M1AP: variants seen among roughly 807,000 people sequenced by gnomAD.
M1AP encodes the protein meiosis 1 associated protein.
In M1AP, 39 loss-of-function variants were observed where a neutral mutation model predicts 51.2. The observed-to-expected ratio is 0.76, with a 90% CI of 0.59 to 1.00. The LOEUF is 1.00. Ranked by LOEUF, M1AP falls within the 50% of genes least tolerant of loss-of-function variation. The probability of loss-of-function intolerance (pLI) is 0.00; values close to 1 mark genes in which losing one functional copy is unlikely to be tolerated. For missense variants in M1AP, 545 were observed against 641.2 expected, an observed-to-expected ratio of 0.85 and a Z score of 1.62; for synonymous variants, 251 against 249.2, an observed-to-expected ratio of 1.01 and a Z score of -0.07.
intron 3 of M1AP, among the ~76,000 whole-genome samples, chr2:74,614,605 G>C (rs1681556132): frequency 6.6e-6 from 1 of 152,168 alleles, no homozygotes; most frequent in Non-Finnish European, 1.5e-5. Flanking sequence ...ATTCCTAAGA[G>C]TACCAAGGTA....
intron 5 of M1AP, 149 bp from the exon 6 acceptor site, chr2:74,576,767 G>T: frequency 8.3e-7 from 1 of 1,208,948 alleles, no homozygotes. Flanking sequence ...GGAGGCAGGA[G>T]AGTGGAAAGA....
intron 2 of M1AP, 45 bp from the exon 3 acceptor site, chr2:74,615,194 G>A (rs760545392): frequency 6.5e-7 from 1 of 1,541,550 alleles, no homozygotes; most frequent in South Asian, 1.1e-5. Context: ...TAGGGACCAG[G>A]TTTCAGATTA....
intron 7 of M1AP, among the ~76,000 whole-genome samples, chr2:74,565,825 T>TCTCACACA (rs1284975781): frequency 2.7e-4 from 37 of 138,096 alleles, no homozygotes; most frequent in African/African-American, 7.7e-4. Flanking sequence ...TGAGATGCCG[T>TCTCACACA]CACACACACA....
chr2:74,570,060 A>G, intron 7 of M1AP, among the ~76,000 whole-genome samples: 1 of 152,130 alleles, frequency 6.6e-6, no homozygotes, highest in East Asian at 1.9e-4. Context: ...AATCACTTTA[A>G]AATTTACTTT....
intron 5 of M1AP, among the ~76,000 whole-genome samples, chr2:74,579,237 G>A (rs1343571604): frequency 1.3e-5 from 2 of 152,268 alleles, no homozygotes; most frequent in Non-Finnish European, 2.9e-5. Flanking sequence ...CAAATGCCAT[G>A]TGATAGTGGA....
At chr2:74,601,742 A>G (rs1680691771) in intron 4 of M1AP, among the ~76,000 whole-genome samples, 1 of 152,184 alleles carries the variant, frequency 6.6e-6, no homozygotes. Context: ...AACTAATGTG[A>G]ATGTAATTTA....
chr2:74,560,008 C>G (rs1458209745), intron 9 of M1AP, 143 bp downstream of exon 9: 1 of 884,156 alleles, frequency 1.1e-6, no homozygotes, highest in Non-Finnish European at 1.7e-6. Context: ...TAATTTTCCC[C>G]TCCACCAGGG....
chr2:74,618,899 G>A (rs371490492), intron 2 of M1AP: 911 of 526,788 alleles, frequency 1.7e-3, no homozygotes, highest in South Asian at 4.6e-3. Context: ...GCTCTTGACT[G>A]AGTAGATTTT....
chr2:74,642,158 G>A (rs1683333522), intron 1 of M1AP, among the ~76,000 whole-genome samples: 1 of 151,988 alleles, frequency 6.6e-6, no homozygotes, highest in Non-Finnish European at 1.5e-5. Context: ...AGGTTAGCAC[G>A]ACCTTTGAAA....
intron 3 of M1AP, among the ~76,000 whole-genome samples, chr2:74,607,991 A>G (rs914456320): frequency 2.0e-5 from 3 of 152,194 alleles, no homozygotes; most frequent in African/African-American, 7.2e-5. Flanking sequence ...GAGATAGCCC[A>G]TATACCCCTT....
chr2:74,610,056 G>T (rs1320187248), intron 3 of M1AP, among the ~76,000 whole-genome samples: 2 of 151,816 alleles, frequency 1.3e-5, no homozygotes, highest in Non-Finnish European at 2.9e-5. Flanking sequence ...GGAGTGCAGT[G>T]GTTCAACCAT....
intron 4 of M1AP, among the ~76,000 whole-genome samples, chr2:74,606,651 C>G (rs1346707842): frequency 6.6e-6 from 1 of 151,836 alleles, no homozygotes; most frequent in Non-Finnish European, 1.5e-5. Context: ...CCAATCCCTT[C>G]AAAGTGATTA....
rs892453904 is a variant in M1AP at position 74,572,365 on chromosome 2, G to A, written c.1074+3073C>T. ...CCCCTAAGCAGTGTCTCCCTCTGTC[G>A]CCCAGAGTGCAGTGGTGCGATCATG... On this transcript the variant is annotated intron_variant, in intron 7 of 10. Coordinates refer to ENST00000421985, the MANE Select transcript of M1AP (RefSeq NM_001321739.2). 2.0e-5 allele frequency among the ~76,000 whole-genome samples: 3 copies of A among 151,774 alleles called. No homozygotes were observed. The East Asian group carries it at 5.8e-4, about 29-fold the overall frequency.
At position 74,576,436 on chromosome 2, in the gene M1AP, G is replaced by A. The variant is rs1679069604; in HGVS notation, c.932+20C>T. On this transcript the variant is annotated intron_variant, in intron 6 of 10. Transcript: ENST00000421985. ...AAGAATAGCATTTGCATGGATTGGG[G>A]AGGTTCCCTTGGACCATACTTGATC... 3 of 1,612,306 alleles carry A rather than the reference G, an allele frequency of 1.9e-6. No homozygotes were observed. The highest frequency in any genetic ancestry group is 2.5e-6 in the Non-Finnish European group (3 of 1,179,426).
rs1415822032 is a variant in M1AP at position 74,562,282 on chromosome 2, T to C, written c.1216A>G (p.Met406Val). The C allele has an allele frequency of 3.7e-6, 6 of 1,614,082 alleles. No homozygotes were observed. Among genetic ancestry groups the C allele is most frequent in the Non-Finnish European group, 5.1e-6 (6 of 1,180,022 alleles). ...AGCAGGGGGAAGGTGCTGGGCAGCA[T>C]CAGTTCCCGCGTGGCCACCGCCTTT... is the stretch of plus-strand genomic sequence containing the variant. The part of the protein sequence containing the change: ...LVKAVATREL[M>V]LPSTFPLLPE... Residue 406 changes from methionine (M) to valine (V), a missense_variant, in exon 8 of 11, where the codon ATG becomes GTG. By Grantham distance (21) the Met-to-Val change is conservative. Coordinates refer to ENST00000421985, the MANE Select transcript of M1AP (RefSeq NM_001321739.2).
At chr2:74,620,409 G>C (rs1014449391) in intron 2 of M1AP, among the ~76,000 whole-genome samples, 2 of 152,234 alleles carry the variant, frequency 1.3e-5, no homozygotes, top group Admixed American at 1.3e-4. Flanking sequence ...CATAGGTGGA[G>C]AGCATTAAAT....
At position 74,640,278 on chromosome 2, in the gene M1AP, C is replaced by A; in HGVS notation, c.-3G>T. 1 of 1,613,962 alleles carries A rather than the reference C, an allele frequency of 6.2e-7. No homozygotes were observed. Among genetic ancestry groups the A allele is most frequent in the Non-Finnish European group, 8.5e-7 (1 of 1,179,904 alleles). Reference sequence around the variant, plus strand: ...CCAGTAGTTCGCCCAGGATGCATGGCAGCAAAACCAGAGGGGGAACTGTAG... The same window carrying A: ...CCAGTAGTTCGCCCAGGATGCATGGAAGCAAAACCAGAGGGGGAACTGTAG... On this transcript the variant is annotated 5_prime_UTR_variant, in exon 2 of 11. Coordinates refer to ENST00000421985, the MANE Select transcript of M1AP (RefSeq NM_001321739.2).
chr2:74,578,500 G>A (rs1679219551), intron 5 of M1AP, among the ~76,000 whole-genome samples: 2 of 151,820 alleles, frequency 1.3e-5, no homozygotes, highest in Admixed American at 6.6e-5. Context: ...TCTTACTGCA[G>A]CCTGGGTTAA....
chr2:74,605,058 T>C (rs988005818), intron 4 of M1AP, among the ~76,000 whole-genome samples: 7 of 152,056 alleles, frequency 4.6e-5, no homozygotes, highest in African/African-American at 7.2e-5. Flanking sequence ...CTTTTTTTTT[T>C]CCCCATGGGG....
Sources: gnomAD v4.1 joint callset for allele counts (sites outside exome capture counted in the v4.1 genomes callset) on GRCh38, gnomAD v4.1.1 for gene constraint, MANE v1.5 for transcripts, NCBI Gene and HGNC (gene_info 2026-07-23, HGNC 2026-07-21) for gene names.